Variants in XIRP2 observed in about 807,000 individuals in gnomAD.
The protein encoded by XIRP2 is xin actin binding repeat containing 2, also known as xin actin-binding repeat-containing protein 2.
A neutral mutation model predicts 277.0 loss-of-function variants in XIRP2; 236 were observed. The ratio of observed to expected loss-of-function variants is 0.85; its 90% CI spans 0.77 to 0.95. The LOEUF is 0.95. XIRP2 is among the 40% of genes least tolerant of loss of function. The pLI, the probability that XIRP2 is intolerant of heterozygous loss-of-function variation, is 0.00. For missense variants in XIRP2, 4,640 were observed against 4,157.5 expected (o/e 1.12, Z -3.19); for synonymous variants, 1,490 against 1,416.5 (o/e 1.05, Z -1.17).
chr2:166,955,254 T>A (rs981307529), intron 2 of XIRP2, among the ~76,000 whole-genome samples: 3 of 151,834 alleles, frequency 2.0e-5, no homozygotes, highest in Non-Finnish European at 4.4e-5. Flanking sequence ...AATTACTGAC[T>A]CGTGCTATGA....
At chr2:166,939,679 C>CAAAAAAAAAAAAAAAAAAAAAAAAAAAA (rs138977006) in intron 2 of XIRP2, among the ~76,000 whole-genome samples, 3 of 90,668 alleles carry the variant, frequency 3.3e-5, no homozygotes, top group African/African-American at 5.1e-5. Flanking sequence ...GACTCCATCA[C>CAAAAAAAAAAAAAAAAAAAAAAAAAAAA]AAAAAAAAAA....
At chr2:167,221,409 G>A (rs1272059778) in intron 5 of XIRP2, among the ~76,000 whole-genome samples, 1 of 141,824 alleles carries the variant, frequency 7.1e-6, no homozygotes, top group Non-Finnish European at 1.5e-5. Context: ...GCGGTGAGCC[G>A]AGATGGTGCC....
intron 2 of XIRP2, among the ~76,000 whole-genome samples, chr2:167,130,423 C>A (rs2105313125): frequency 6.6e-6 from 1 of 152,230 alleles, no homozygotes; most frequent in African/African-American, 2.4e-5. Context: ...CCTCTGAGTT[C>A]CTAGGTTTCC....
chr2:167,245,250 G>A lies in XIRP2; in HGVS notation c.3858G>A (p.Glu1286=), dbSNP rs1029091251. The A allele has an allele frequency of 4.2e-5, 67 of 1,613,418 alleles. No individual in the cohort carries two copies. The highest frequency in any genetic ancestry group is 1.6e-4 in the Middle Eastern group (1 of 6,080). The change falls in exon 9 of 11, where the codon GAG becomes GAA. Residue 1286 remains glutamate (E), a synonymous_variant. Coordinates refer to ENST00000409195, the MANE Select transcript of XIRP2 (RefSeq NM_152381.6). ...CFIFETFSLD[E]IKEESDYIST... is the part of the protein sequence containing the mutation. Reference sequence around the variant, plus strand: ...TTTTTGAGACTTTTTCTTTAGATGAGATTAAAGAAGAATCTGACTATATCA... The same window carrying A: ...TTTTTGAGACTTTTTCTTTAGATGAAATTAAAGAAGAATCTGACTATATCA...
chr2:167,217,040 A>G (rs1694268487), intron 4 of XIRP2, among the ~76,000 whole-genome samples: 1 of 145,690 alleles, frequency 6.9e-6, no homozygotes, highest in Admixed American at 6.8e-5. Context: ...AGAAGAAAAA[A>G]CCGAACACCG....
At chr2:167,214,498 C>T (rs1173242427) in intron 4 of XIRP2, among the ~76,000 whole-genome samples, 2 of 140,582 alleles carry the variant, frequency 1.4e-5, no homozygotes, top group African/African-American at 5.4e-5. Context: ...AAAAAAAAAT[C>T]AACTGTATGA....
intron 2 of XIRP2, among the ~76,000 whole-genome samples, chr2:167,129,177 T>C (rs1386212397): frequency 6.6e-6 from 1 of 152,198 alleles, no homozygotes; most frequent in Non-Finnish European, 1.5e-5. Flanking sequence ...TTTTCCTTTA[T>C]TTTTGCTCTT....
rs932440650 is a variant in XIRP2 at position 167,082,352 on chromosome 2, G to A, written c.409-53557G>A. Reference sequence around the variant, plus strand: ...TCTTAATCCGGTCTATCATTGTTGGGCATTTGGGTTGGTTCCAAGTCTTTG... The same window carrying A: ...TCTTAATCCGGTCTATCATTGTTGGACATTTGGGTTGGTTCCAAGTCTTTG... On this transcript the variant is annotated intron_variant, in intron 2 of 10. Coordinates refer to ENST00000409195, the MANE Select transcript of XIRP2 (RefSeq NM_152381.6). 7.2e-5 allele frequency among the ~76,000 whole-genome samples: 11 copies of A among 152,078 alleles called. No individual in the cohort carries two copies. The South Asian group carries it at 1.9e-3, about 26-fold the overall frequency.
At chr2:167,017,411 G>A (rs1259285039) in intron 2 of XIRP2, among the ~76,000 whole-genome samples, 1 of 151,954 alleles carries the variant, frequency 6.6e-6, no homozygotes, top group Non-Finnish European at 1.5e-5. Context: ...TCAACACTGT[G>A]TAACAAAAAA....
chr2:166,931,495 A>C (rs185742651), intron 2 of XIRP2, among the ~76,000 whole-genome samples: 1 of 152,132 alleles, frequency 6.6e-6, no homozygotes, highest in East Asian at 1.9e-4. Context: ...CCACTTTTAA[A>C]CTTTATTTGA....
At position 167,210,856 on chromosome 2, in the gene XIRP2, A is replaced by G. The variant is rs1226435110; in HGVS notation, c.684A>G (p.Ala228=). ...AGGAGCGGATGGCGAGGTACCAGGC[A>G]GCTGTTTCCAGGGGTGACTGCCGCA... ...SLKERMARYQ[A]AVSRGDCRSF... The change falls in exon 4 of 11, where the codon GCA becomes GCG. Residue 228 remains alanine, a synonymous_variant. Coordinates refer to ENST00000409195, the MANE Select transcript of XIRP2 (RefSeq NM_152381.6). 2 of 1,614,054 alleles carry G rather than the reference A, an allele frequency of 1.2e-6. No individual in the cohort carries two copies. Among genetic ancestry groups the G allele is most frequent in the African/African-American group, 2.7e-5 (2 of 74,948 alleles).
At position 167,066,064 on chromosome 2, in the gene XIRP2, ATG is replaced by A. The variant is rs147344355; in HGVS notation, c.409-69829_409-69828del. 1.2e-4 allele frequency among the ~76,000 whole-genome samples: 18 copies of A among 150,564 alleles called. No homozygotes were observed. The East Asian group carries it at 1.4e-3, about 11-fold the overall frequency. On this transcript the variant is annotated intron_variant, in intron 2 of 10. Transcript: ENST00000409195. ...CTTCCAGAAGTGTTAGGGGGTGTGT[ATG>A]TGTGTGTGTGTGTGTAGAACTCTTA...
Position 167,246,618 on chromosome 2 carries a change from T to C in XIRP2, c.5226T>C (p.Asn1742=), listed in dbSNP as rs1161470781. The change falls in exon 9 of 11, where the codon AAT becomes AAC. Residue 1742 remains asparagine, a synonymous_variant. Transcript: ENST00000409195. ...RAKIDASERG[N]VQFFTTCIEA... ...AAATTGATGCCTCTGAGAGAGGAAATGTTCAGTTTTTCACAACCTGCATAG... is the reference window on the plus strand; with the variant it reads ...AAATTGATGCCTCTGAGAGAGGAAACGTTCAGTTTTTCACAACCTGCATAG... 1 of 1,613,744 alleles carries C rather than the reference T, an allele frequency of 6.2e-7. No individual in the cohort carries two copies. Among genetic ancestry groups the C allele is most frequent in the African/African-American group, 1.3e-5 (1 of 75,004 alleles).
chr2:166,933,365 A>T (rs970209945), intron 2 of XIRP2, among the ~76,000 whole-genome samples: 2 of 151,672 alleles, frequency 1.3e-5, no homozygotes, highest in Non-Finnish European at 2.9e-5. Context: ...AGCCAGGATG[A>T]TCTCGATCTC....
At chr2:167,003,683 T>C (rs1174858245) in intron 2 of XIRP2, among the ~76,000 whole-genome samples, 2 of 151,898 alleles carry the variant, frequency 1.3e-5, no homozygotes, top group Admixed American at 6.6e-5. Flanking sequence ...AAGAAGACTT[T>C]AAAGAGATTT....
intron 2 of XIRP2, among the ~76,000 whole-genome samples, chr2:167,022,121 T>C (rs1376584014): frequency 6.6e-6 from 1 of 152,156 alleles, no homozygotes; most frequent in Non-Finnish European, 1.5e-5. Context: ...ACAGTCACAG[T>C]TTTAATATAT....
intron 2 of XIRP2, among the ~76,000 whole-genome samples, chr2:166,963,627 G>A (rs1358642713): frequency 2.0e-5 from 3 of 151,678 alleles, no homozygotes; most frequent in African/African-American, 7.3e-5. Context: ...CACATACAGG[G>A]ATTAGAGGGA....
chr2:167,136,044 C>T lies in XIRP2; in HGVS notation c.544C>T (p.His182Tyr), dbSNP rs1273795819. Residue 182 changes from histidine to tyrosine, a missense_variant, in exon 3 of 11, where the codon CAC (histidine) becomes TAC (tyrosine). Coordinates refer to ENST00000409195, the MANE Select transcript of XIRP2 (RefSeq NM_152381.6). ...TGACAAGATGTCACCTGAAAGTGGT[C>T]ACAGCCGCATCTTTGAAGGTTAGCA... Reference protein sequence around the residue: ...SFDKMSPESGHSRIFEATAGP... With the variant: ...SFDKMSPESGYSRIFEATAGP... The T allele has an allele frequency of 1.2e-6, 2 of 1,605,798 alleles. No homozygotes were observed. The highest frequency in any genetic ancestry group is 1.1e-5 in the South Asian group (1 of 89,706).
At chr2:166,988,650 T>C (rs1227878421) in intron 2 of XIRP2, among the ~76,000 whole-genome samples, 1 of 121,146 alleles carries the variant, frequency 8.3e-6, no homozygotes, top group Non-Finnish European at 1.7e-5. Context: ...TTGCCTCACC[T>C]GGGAAGCGCA....
Sources: allele counts gnomAD v4.1 joint callset (sites outside exome capture counted in the v4.1 genomes callset), GRCh38; gene constraint gnomAD v4.1.1; transcripts MANE v1.5; gene names NCBI Gene and HGNC (gene_info 2026-07-23, HGNC 2026-07-21).